Variants in DGKZ observed in about 807,000 individuals in gnomAD.
DGKZ encodes diacylglycerol kinase zeta.
A neutral mutation model predicts 142.5 loss-of-function variants in DGKZ; 45 were observed. That is an observed-to-expected ratio of 0.32 (90% CI 0.25 to 0.40). The LOEUF is 0.40. DGKZ is among the 10% of genes least tolerant of loss of function. The probability of loss-of-function intolerance (pLI) is 1.00; values close to 1 mark genes in which losing one functional copy is unlikely to be tolerated. For missense variants in DGKZ, 755 were observed against 1,306.5 expected, an observed-to-expected ratio of 0.58 and a Z score of 6.51; for synonymous variants, 442 against 527.0, an observed-to-expected ratio of 0.84 and a Z score of 2.21.
chr11:46,378,823 T>A (rs992352126), intron 27 of DGKZ, 168 bp from the exon 28 acceptor site: 2 of 1,180,384 alleles, frequency 1.7e-6, no homozygotes, highest in African/African-American at 1.5e-5. Context: ...GAGAGGCCCC[T>A]CCTCCGGTGT....
chr11:46,340,611 C>T (rs1335974181), intron 1 of DGKZ, among the ~76,000 whole-genome samples: 1 of 152,202 alleles, frequency 6.6e-6, no homozygotes, highest in East Asian at 1.9e-4. Context: ...CTCCAGGTTT[C>T]CTCCTGCTCA....
In DGKZ at chr11:46,333,456, C is replaced by T. The variant is rs1370005789; in HGVS notation, c.181C>T (p.Gln61Ter). 10 of 1,537,872 alleles carry T rather than the reference C, an allele frequency of 6.5e-6. No homozygotes were observed. Among genetic ancestry groups the T allele is most frequent in the Non-Finnish European group, 8.8e-6 (10 of 1,142,604 alleles). ...GCCCCCGGTGGAGGAGCGTTTCCGC[C>T]AGCTGCACCTACGAAAGCAGGTGTC... The change falls in exon 1 of 31, where the codon CAG (glutamine) becomes TAG (stop). Residue 61 changes from glutamine (Q) to a stop codon, truncating the protein, a stop_gained. Transcript: ENST00000343674. LOFTEE classifies it high-confidence loss of function.
At chr11:46,371,855 A>T in intron 9 of DGKZ, 80 bp downstream of exon 9, 1 of 1,505,932 alleles carries the variant, frequency 6.6e-7, no homozygotes, top group Non-Finnish European at 9.1e-7. Context: ...TTCCACCCCC[A>T]GCTAATGCTG....
chr11:46,374,825 C>T (rs769861628), exon 18 of DGKZ: 9 of 1,595,666 alleles, frequency 5.6e-6, no homozygotes, highest in Non-Finnish European at 6.8e-6. Flanking sequence ...GTGTTGTTTT[C>T]CTGAACATCC....
At chr11:46,366,967 C>T in intron 1 of DGKZ, 5 of 1,532,224 alleles carry the variant, frequency 3.3e-6, no homozygotes, top group Non-Finnish European at 4.4e-6. Flanking sequence ...GACCCCAGGC[C>T]TGGAGCGCCC....
intron 17 of DGKZ, 30 bp from the exon 18 acceptor site, chr11:46,374,736 C>T (rs370310069): frequency 1.9e-6 from 3 of 1,612,286 alleles, no homozygotes; most frequent in South Asian, 2.2e-5. Context: ...CTGGCACATG[C>T]ACCTCAACAC....
intron 24 of DGKZ, chr11:46,376,819 C>T (rs1010228137): frequency 5.6e-5 from 36 of 643,644 alleles, no homozygotes; most frequent in Non-Finnish European, 8.0e-6. Flanking sequence ...GGCCTGGAAG[C>T]CCAGAGCCAT....
At position 46,361,184 on chromosome 11, in the gene DGKZ, T is replaced by A. The variant is rs569840313; in HGVS notation, c.162-6107T>A. On this transcript the variant is annotated intron_variant, in intron 1 of 30. Transcript: ENST00000527911. Reference sequence around the variant, plus strand: ...TTGTTTTGTCTGGAGCCGGTGTGATTAGCTTCCCCAGACCTCAGAAAACCT... The same window carrying A: ...TTGTTTTGTCTGGAGCCGGTGTGATAAGCTTCCCCAGACCTCAGAAAACCT... 2.9e-4 allele frequency among the ~76,000 whole-genome samples: 44 copies of A among 152,238 alleles called. 1 individual carries two copies. Among genetic ancestry groups the A allele is most frequent in the Non-Finnish European group, 4.1e-4 (28 of 68,048 alleles).
intron 1 of DGKZ, among the ~76,000 whole-genome samples, chr11:46,350,223 C>T (rs1941198404): frequency 6.6e-6 from 1 of 152,170 alleles, no homozygotes; most frequent in Non-Finnish European, 1.5e-5. Context: ...TGGGAGCTCA[C>T]TGGGGCTGGC....
rs532364214 is a variant in DGKZ, at chr11:46,378,613, G to A, written c.2418+113G>A. Reference sequence around the variant, plus strand: ...TGCTCAGGTGCTGTCATCTGTCATCGTCTGGCCCTCTGTGGGATCTCCAGT... The same window carrying A: ...TGCTCAGGTGCTGTCATCTGTCATCATCTGGCCCTCTGTGGGATCTCCAGT... On this transcript the variant is annotated intron_variant, in intron 27 of 30. Coordinates refer to ENST00000527911, the Ensembl canonical transcript of DGKZ. 53 of 1,408,678 alleles carry A rather than the reference G, an allele frequency of 3.8e-5. No homozygotes were observed. In the Middle Eastern group the frequency reaches 1.4e-3, roughly 38 times the overall value. 87.3% of individuals were successfully genotyped at this position (1,408,678 alleles called of 1,614,324 possible).
intron 1 of DGKZ, chr11:46,364,241 C>A: frequency 2.9e-6 from 2 of 686,986 alleles, no homozygotes; most frequent in South Asian, 1.4e-5. Flanking sequence ...GGACTCTAGG[C>A]GGTCACCTCT....
At chr11:46,339,509 G>A (rs1433342583) in intron 1 of DGKZ, among the ~76,000 whole-genome samples, 1 of 152,188 alleles carries the variant, frequency 6.6e-6, no homozygotes, top group Non-Finnish European at 1.5e-5. Flanking sequence ...TGAGTCAAAG[G>A]CCAGAGAGGG....
In DGKZ at chr11:46,372,587, G is replaced by C. The variant is rs1944073704; in HGVS notation, c.1011-30G>C. On this transcript the variant is annotated intron_variant, in intron 11 of 30. Transcript: ENST00000527911. This position sits in a 1 kb window ranked among gnomAD's most constrained non-coding sequence, Gnocchi z 5.9. ...TCCTGGGGTACAGCACACATCCCCT[G>C]ACCCCACTGCCATCTTCCCATGAGC... 18 of 1,613,878 alleles carry C rather than the reference G, an allele frequency of 1.1e-5. No individual in the cohort carries two copies. Among genetic ancestry groups the C allele is most frequent in the Non-Finnish European group, 1.3e-5 (15 of 1,179,980 alleles).
rs142176978 is a variant in DGKZ at position 46,373,185 on chromosome 11, G to A, written c.1326+84G>A. 12,572 of 1,437,566 alleles carry A rather than the reference G, an allele frequency of 8.7e-3. 116 individuals carry two copies. Among genetic ancestry groups the A allele is most frequent in the South Asian group, 0.028 (2,012 of 71,176 alleles). 89.1% of individuals were successfully genotyped at this position (1,437,566 alleles called of 1,614,324 possible). On this transcript the variant is annotated intron_variant, in intron 14 of 30. Transcript: ENST00000527911. ...TTCCACTTGCTGGTTCTGGGACCTC[G>A]GGCGTGTCTCTTCATTTCTCCAACT...
Position 46,379,183 on chromosome 11 carries a change from C to T in DGKZ, c.2540-20C>T, listed in dbSNP as rs1353043841. 8 of 1,612,682 alleles carry T rather than the reference C, an allele frequency of 5.0e-6. No homozygotes were observed. In the Admixed American group the frequency reaches 5.0e-5, roughly 10 times the overall value. ...GGAGGGGCTGCCAGGCCTCTCTGAC[C>T]ACCACCTCCCCTTCTCCAGCCCCCC... On this transcript the variant is annotated intron_variant, in intron 28 of 30. Coordinates refer to ENST00000527911, the Ensembl canonical transcript of DGKZ.
intron 1 of DGKZ, among the ~76,000 whole-genome samples, chr11:46,354,942 G>A (rs1173994949): frequency 6.6e-6 from 1 of 152,170 alleles, no homozygotes; most frequent in African/African-American, 2.4e-5. Flanking sequence ...AGGCTCTGTT[G>A]ACGGACACTT....
At chr11:46,374,451 C>T (rs763897975) in exon 16 of DGKZ, 9 of 1,613,972 alleles carry the variant, frequency 5.6e-6, no homozygotes, top group South Asian at 2.2e-5. Context: ...TGTTCTACGC[C>T]GGGGTGAGTG....
chr11:46,379,496 G>C (rs1026882293), exon 30 of DGKZ: 5 of 1,611,064 alleles, frequency 3.1e-6, no homozygotes, highest in South Asian at 1.1e-5. Flanking sequence ...ACCAAGCAGC[G>C]GCCCTGGGCC....
intron 1 of DGKZ, among the ~76,000 whole-genome samples, chr11:46,361,039 C>G (rs1214555266): frequency 6.6e-6 from 1 of 152,202 alleles, no homozygotes; most frequent in Admixed American, 6.5e-5. Context: ...CGAGTTGCCC[C>G]ATCTATTCAG....
Sources: allele counts gnomAD v4.1 joint callset (sites outside exome capture counted in the v4.1 genomes callset), GRCh38; gene constraint gnomAD v4.1.1; non-coding constraint Gnocchi (gnomAD v3.1); transcripts MANE v1.5; gene names NCBI Gene and HGNC (gene_info 2026-07-23, HGNC 2026-07-21).